The following ANKS1B variants were observed in gnomAD, a reference collection of about 807,000 sequenced individuals.
ANKS1B encodes the protein ankyrin repeat and sterile alpha motif domain-containing protein 1B.
A neutral mutation model predicts 148.3 loss-of-function variants in ANKS1B; 36 were observed. The observed-to-expected ratio is 0.24, with a 90% CI of 0.19 to 0.32. ANKS1B has a LOEUF of 0.32. Among genes scored for constraint, ANKS1B ranks in the 10% least tolerant of loss-of-function variants. The pLI is 1.00. For missense variants in ANKS1B, 1,157 were observed against 1,542.6 expected (o/e 0.75, Z 4.19); for synonymous variants, 542 against 560.8 (o/e 0.97, Z 0.47).
chr12:99,427,996 T>G (rs1483862419), intron 11 of ANKS1B, among the ~76,000 whole-genome samples: 1 of 152,216 alleles, frequency 6.6e-6, no homozygotes, highest in East Asian at 1.9e-4. Context: ...ATTTATGGAC[T>G]TTTATGCCTT....
intron 1 of ANKS1B, among the ~76,000 whole-genome samples, chr12:99,890,147 G>A (rs1189284668): frequency 6.6e-6 from 1 of 152,134 alleles, no homozygotes; most frequent in African/African-American, 2.4e-5. Context: ...AATAGATACC[G>A]TGATGGTTAA....
chr12:99,596,835 A>G (rs1259285887), intron 9 of ANKS1B, among the ~76,000 whole-genome samples: 1 of 151,968 alleles, frequency 6.6e-6, no homozygotes, highest in African/African-American at 2.4e-5. Flanking sequence ...GGATAGGGCA[A>G]AAAAGAGAAG....
intron 19 of ANKS1B, among the ~76,000 whole-genome samples, chr12:98,815,706 G>A (rs2099133984): frequency 6.6e-6 from 1 of 152,082 alleles, no homozygotes; most frequent in South Asian, 2.1e-4. Context: ...CACAATGCTG[G>A]AGCTCTCCTT....
intron 17 of ANKS1B, among the ~76,000 whole-genome samples, chr12:98,876,447 A>G (rs1265176879): frequency 1.3e-5 from 2 of 152,190 alleles, no homozygotes; most frequent in African/African-American, 4.8e-5. Flanking sequence ...GTAATCTATC[A>G]ATTAATGTAA....
intron 1 of ANKS1B, among the ~76,000 whole-genome samples, chr12:99,902,928 T>C (rs1484425379): frequency 7.3e-5 from 11 of 151,372 alleles, no homozygotes; most frequent in Admixed American, 5.3e-4. Context: ...TTGTTGTTGT[T>C]GTTGTTGCTG....
chr12:99,163,467 C>G (rs1253961516), intron 14 of ANKS1B, among the ~76,000 whole-genome samples: 1 of 135,004 alleles, frequency 7.4e-6, no homozygotes, highest in Non-Finnish European at 1.6e-5. Flanking sequence ...TACATGCACT[C>G]TGTGTGTGTG....
chr12:98,855,446 T>C (rs1049142335), intron 17 of ANKS1B, among the ~76,000 whole-genome samples: 4 of 152,212 alleles, frequency 2.6e-5, no homozygotes, highest in African/African-American at 9.6e-5. Flanking sequence ...CTAATGTGCT[T>C]ATTCATTATT....
At chr12:99,029,752 T>A (rs1316524096) in intron 17 of ANKS1B, among the ~76,000 whole-genome samples, 1 of 152,234 alleles carries the variant, frequency 6.6e-6, no homozygotes, top group African/African-American at 2.4e-5. Flanking sequence ...GTAAAGAAGA[T>A]TGACTGAAGG....
chr12:99,290,653 C>T lies in ANKS1B; in HGVS notation c.1757-43789G>A, dbSNP rs112744946. Among the ~76,000 whole-genome samples, 791 of 151,626 alleles carry T rather than the reference C, an allele frequency of 5.2e-3. 7 individuals carry two copies. Among genetic ancestry groups the T allele is most frequent in the African/African-American group, 0.018 (760 of 41,362 alleles). On this transcript the variant is annotated intron_variant, in intron 12 of 26. Transcript: ENST00000683438. ...CAATTAATGTGATATATCATATCAA[C>T]AGAATAAAGGGAAAAAAACATAAAA...
At chr12:99,161,217 G>C (rs971599591) in intron 14 of ANKS1B, among the ~76,000 whole-genome samples, 2 of 152,108 alleles carry the variant, frequency 1.3e-5, no homozygotes, top group Non-Finnish European at 2.9e-5. Flanking sequence ...CACAGAGTGT[G>C]CGGAAGTTTA....
intron 15 of ANKS1B, among the ~76,000 whole-genome samples, chr12:99,148,614 A>G (rs1017760762): frequency 6.6e-6 from 1 of 152,164 alleles, no homozygotes; most frequent in Non-Finnish European, 1.5e-5. Flanking sequence ...ATTGGAAAGA[A>G]CATTTCTTCT....
intron 12 of ANKS1B, among the ~76,000 whole-genome samples, chr12:99,394,974 C>T (rs80021143): frequency 0.02 from 3,019 of 152,238 alleles, 103 homozygotes; most frequent in East Asian, 0.085. Flanking sequence ...TTCATTCTTA[C>T]AGTTGTTAAG....
chr12:99,234,515 CT>C (rs746612602), intron 14 of ANKS1B, among the ~76,000 whole-genome samples: 38 of 152,098 alleles, frequency 2.5e-4, no homozygotes, highest in Non-Finnish European at 5.1e-4. Context: ...ACAGACAGGG[CT>C]TACGTGTATT....
At chr12:99,225,554 A>C (rs79471804) in intron 14 of ANKS1B, among the ~76,000 whole-genome samples, 1 of 152,146 alleles carries the variant, frequency 6.6e-6, no homozygotes, top group African/African-American at 2.4e-5. Context: ...ATCACCCTCA[A>C]TCTGGGTGGG....
At chr12:99,772,823 G>T in intron 8 of ANKS1B, 99 bp downstream of exon 8, 1 of 1,229,008 alleles carries the variant, frequency 8.1e-7, no homozygotes, top group Non-Finnish European at 1.1e-6. Context: ...TCTTAGAGTG[G>T]CGGAATCTGA....
At chr12:99,166,684 C>T (rs2077215894) in intron 14 of ANKS1B, among the ~76,000 whole-genome samples, 1 of 151,968 alleles carries the variant, frequency 6.6e-6, no homozygotes, top group East Asian at 1.9e-4. Flanking sequence ...ATCTGTTCTT[C>T]CCAAATATAT....
At chr12:99,297,655 C>G (rs920555527) in intron 12 of ANKS1B, among the ~76,000 whole-genome samples, 5 of 152,060 alleles carry the variant, frequency 3.3e-5, no homozygotes, top group Non-Finnish European at 5.9e-5. Flanking sequence ...CTTTTTTTCC[C>G]TGATTTTGTT....
At position 99,223,147 on chromosome 12, in the gene ANKS1B, G is replaced by A. The variant is rs2085374798; in HGVS notation, c.2419+21195C>T. Among the ~76,000 whole-genome samples the A allele has an allele frequency of 2.0e-5, 3 of 152,330 alleles. No individual in the cohort carries two copies. The South Asian group carries it at 6.2e-4, about 32-fold the overall frequency. On this transcript the variant is annotated intron_variant, in intron 14 of 26. Coordinates refer to ENST00000683438, the MANE Select transcript of ANKS1B (RefSeq NM_001352186.2). ...AGGAAAGGTTAAATATTACTAAATAGTGGACATTACAATTCCTAGTTATTC... is the reference window on the plus strand; with the variant it reads ...AGGAAAGGTTAAATATTACTAAATAATGGACATTACAATTCCTAGTTATTC...
At chr12:99,854,086 T>A (rs2088535668) in intron 1 of ANKS1B, among the ~76,000 whole-genome samples, 1 of 152,128 alleles carries the variant, frequency 6.6e-6, no homozygotes, top group South Asian at 2.1e-4. Context: ...TCTCGGCTCA[T>A]GTGCAAGCTC....
Sources: gnomAD v4.1 joint callset for allele counts (sites outside exome capture counted in the v4.1 genomes callset) on GRCh38, gnomAD v4.1.1 for gene constraint, MANE v1.5 for transcripts, NCBI Gene and HGNC (gene_info 2026-07-23, HGNC 2026-07-21) for gene names.